GSDMC: variants seen among roughly 807,000 people sequenced by gnomAD.
GSDMC encodes gasdermin-C.
Under a neutral mutation model 58.0 loss-of-function variants are expected in GSDMC, and 59 were observed. The ratio of observed to expected loss-of-function variants is 1.02; its 90% CI spans 0.82 to 1.26. The LOEUF (loss-of-function observed/expected upper bound fraction) is 1.26. Among genes scored for constraint, GSDMC ranks in the 50% most tolerant of loss-of-function variants. GSDMC has a pLI of 0.00. For synonymous variants in GSDMC, 241 were observed against 220.2 expected, an observed-to-expected ratio of 1.09 and a Z score of -0.83; for missense variants, 659 against 598.5, an observed-to-expected ratio of 1.10 and a Z score of -1.06.
chr8:129,748,989 A>G (rs1051641805), intron 13 of GSDMC, among the ~76,000 whole-genome samples: 32 of 152,194 alleles, frequency 2.1e-4, no homozygotes, highest in African/African-American at 7.5e-4. Flanking sequence ...TGGTGTTTTT[A>G]TTTCTAAATG....
At chr8:129,734,040 A>G in the GSDMC span, among the ~76,000 whole-genome samples, 1 of 152,244 alleles carries the variant, frequency 6.6e-6, no homozygotes, top group Admixed American at 6.5e-5. Flanking sequence ...CACAATCTTC[A>G]ACAGCCGATT....
In GSDMC at chr8:129,748,456, G is replaced by A. The variant is rs767565999; in HGVS notation, c.*45C>T. ...CATAAGGACACTCACAGCATAGACT[G>A]GGCGAGGGCCAGCATCTCTGGACTG... On this transcript the variant is annotated 3_prime_UTR_variant, in exon 14 of 14. Transcript: ENST00000276708. 1.3e-6 allele frequency: 2 copies of A among 1,555,662 alleles called. No homozygotes were observed. Among genetic ancestry groups the A allele is most frequent in the Non-Finnish European group, 1.7e-6 (2 of 1,153,058 alleles).
chr8:129,755,219 G>A (rs1160680788), intron 6 of GSDMC, among the ~76,000 whole-genome samples: 1 of 152,054 alleles, frequency 6.6e-6, no homozygotes, highest in Non-Finnish European at 1.5e-5. Context: ...AAAGCAGCAA[G>A]GAAAAAGAAA....
rs1053171080 is a variant in GSDMC at position 129,751,765 on chromosome 8, C to A, written c.916+97G>T. The A allele has an allele frequency of 2.2e-5, 28 of 1,293,196 alleles. No homozygotes were observed. In the Admixed American group the frequency reaches 4.5e-4, roughly 21 times the overall value. The allele number at this position is 1,293,196 out of a possible 1,614,324, so 80.1% of individuals were successfully genotyped here. On this transcript the variant is annotated intron_variant, in intron 9 of 13. Transcript: ENST00000276708. ...CATGACCAAACGCCAGGCCCTAGGG[C>A]GGTGGTGGCAAAGGCGAGGCAGGGG... is the stretch of plus-strand genomic sequence containing the variant.
chr8:129,709,322 CAG>C, the GSDMC span, among the ~76,000 whole-genome samples: 1 of 152,170 alleles, frequency 6.6e-6, no homozygotes, highest in Non-Finnish European at 1.5e-5. Context: ...ACTTTATCAT[CAG>C]AGTCTTCAGC....
intron 3 of GSDMC, among the ~76,000 whole-genome samples, chr8:129,773,602 T>G (rs964654162): frequency 1.3e-5 from 2 of 151,978 alleles, no homozygotes; most frequent in African/African-American, 4.8e-5. Context: ...CTGGCCAATA[T>G]GGCAAAACCC....
At chr8:129,744,225 G>A (rs1473698625), downstream of GSDMC, among the ~76,000 whole-genome samples, 1 of 152,118 alleles carries the variant, frequency 6.6e-6, no homozygotes, top group Non-Finnish European at 1.5e-5. Flanking sequence ...ACTCCTGTTT[G>A]TTTGCCTGTG....
intron 3 of GSDMC, among the ~76,000 whole-genome samples, chr8:129,772,991 T>C (rs1053251215): frequency 5.3e-5 from 8 of 152,206 alleles, no homozygotes; most frequent in Non-Finnish European, 7.4e-5. Flanking sequence ...TAATACACCA[T>C]ATTAACATAA....
chr8:129,766,184 C>T (rs2033853069), intron 3 of GSDMC, among the ~76,000 whole-genome samples: 1 of 152,100 alleles, frequency 6.6e-6, no homozygotes, highest in South Asian at 2.1e-4. Context: ...GGTATTCACA[C>T]CGAACGTGTC....
chr8:129,747,710 T>C (rs2032998880), downstream of GSDMC, among the ~76,000 whole-genome samples: 2 of 152,080 alleles, frequency 1.3e-5, no homozygotes, highest in African/African-American at 2.4e-5. Context: ...GAGAACAAGA[T>C]GGTGGCAGGA....
chr8:129,728,671 A>G, the GSDMC span: 1 of 349,394 alleles, frequency 2.9e-6, no homozygotes. Context: ...AGGATCAAGT[A>G]TATACCCAGC....
the GSDMC span, among the ~76,000 whole-genome samples, chr8:129,714,060 G>T: frequency 6.6e-6 from 1 of 152,180 alleles, no homozygotes; most frequent in African/African-American, 2.4e-5. Flanking sequence ...CAAGCTGCAG[G>T]GGAGAAAAAC....
chr8:129,760,765 C>T (rs1030066448), intron 5 of GSDMC, among the ~76,000 whole-genome samples, 176 bp from the exon 6 acceptor site: 3 of 152,140 alleles, frequency 2.0e-5, no homozygotes, highest in Admixed American at 6.5e-5. Flanking sequence ...TTTAAATAAG[C>T]AATTTAGGTA....
rs1196809199 is a variant in GSDMC, at chr8:129,776,165, C to A, written c.341G>T (p.Gly114Val). ...AACAATTTGAAACTCGAGGGAGCAT[C>A]CATGGTCCACAGAGGCCTCCCCTGA... ...SVSGEASVDH[G>V]CSLEFQIVTI... The change falls in exon 3 of 14, where the codon GGA becomes GTA. Residue 114 changes from glycine to valine, a missense_variant. Physicochemically the swap from Gly to Val is moderately radical, Grantham distance 109 (BLOSUM62 -3). Coordinates refer to ENST00000276708, the MANE Select transcript of GSDMC (RefSeq NM_031415.3). 6.2e-7 allele frequency: 1 copy of A among 1,613,916 alleles called. No individual in the cohort carries two copies. Among genetic ancestry groups the A allele is most frequent in the African/African-American group, 1.3e-5 (1 of 74,910 alleles).
chr8:129,773,442 AT>A (rs2034123413), intron 3 of GSDMC, among the ~76,000 whole-genome samples: 1 of 152,240 alleles, frequency 6.6e-6, no homozygotes, highest in South Asian at 2.1e-4. Context: ...CAAAATCAAC[AT>A]TAAAAATCAG....
At chr8:129,732,251 C>T in the GSDMC span, among the ~76,000 whole-genome samples, 3 of 151,384 alleles carry the variant, frequency 2.0e-5, no homozygotes, top group South Asian at 6.3e-4. Flanking sequence ...TTCCCATCCT[C>T]CAGAACTGTG....
Position 129,752,709 on chromosome 8 carries a change from T to C in GSDMC, c.833A>G (p.Lys278Arg). 1 of 1,614,196 alleles carries C rather than the reference T, an allele frequency of 6.2e-7. No individual in the cohort carries two copies. Among genetic ancestry groups the C allele is most frequent in the South Asian group, 1.1e-5 (1 of 91,086 alleles). Residue 278 changes from lysine (K) to arginine (R), a missense_variant, in exon 7 of 14, where the codon AAG becomes AGG. Lys to Arg is a conservative substitution (Grantham distance 26). Transcript: ENST00000276708. ...AGCAATCACAGTACCTGGTTTTAAC[T>C]TCATATCATTGGATGAGGCATTGAA... is the stretch of plus-strand genomic sequence containing the variant. ...TLFNASSNDM[K>R]LKPELFLTQQ...
chr8:129,765,262 G>T (rs1346297603), intron 4 of GSDMC, among the ~76,000 whole-genome samples: 1 of 152,066 alleles, frequency 6.6e-6, no homozygotes, highest in African/African-American at 2.4e-5. Context: ...CCGGGGTTTG[G>T]TATTAGTGGT....
chr8:129,773,066 T>C (rs1431273061), intron 3 of GSDMC, among the ~76,000 whole-genome samples: 1 of 152,250 alleles, frequency 6.6e-6, no homozygotes, highest in Non-Finnish European at 1.5e-5. Flanking sequence ...AAATTCATCA[T>C]CCTTTCATGA....
Sources: allele counts gnomAD v4.1 joint callset (sites outside exome capture counted in the v4.1 genomes callset), GRCh38; gene constraint gnomAD v4.1.1; transcripts MANE v1.5; gene names NCBI Gene and HGNC (gene_info 2026-07-23, HGNC 2026-07-21).